The following UVSSA variants were observed in gnomAD, a reference collection of about 807,000 sequenced individuals.
UVSSA encodes the protein UV-stimulated scaffold protein A.
Under a neutral mutation model 73.9 loss-of-function variants are expected in UVSSA, and 72 were observed. The ratio of observed to expected loss-of-function variants is 0.97; its 90% CI spans 0.81 to 1.19. The LOEUF is 1.19. Ranked by LOEUF, UVSSA falls within the 50% of genes most tolerant of loss-of-function variation. UVSSA has a pLI of 0.00. For missense variants in UVSSA, 1,150 were observed against 965.0 expected (o/e 1.19, Z -2.54); for synonymous variants, 454 against 391.3 (o/e 1.16, Z -1.89).
At chr4:1,344,607 T>A (rs1348711507), upstream of UVSSA, among the ~76,000 whole-genome samples, 1 of 152,230 alleles carries the variant, frequency 6.6e-6, no homozygotes, top group Non-Finnish European at 1.5e-5. Context: ...CTTGGCTTTC[T>A]AATCTTATCC....
rs1392117219 is a variant in UVSSA, at chr4:1,349,467, C to A, written c.99-57C>A. 2.6e-6 allele frequency: 4 copies of A among 1,543,590 alleles called. No homozygotes were observed. The East Asian group carries it at 9.1e-5, about 35-fold the overall frequency. The stretch of plus-strand genomic sequence containing the variant: ...TGCGGCATCCATGCACGGAGAGTCT[C>A]CCCCCGCCCATCCTCTGCGTGTGGG... On this transcript the variant is annotated intron_variant, in intron 2 of 13. Coordinates refer to ENST00000389851, the MANE Select transcript of UVSSA (RefSeq NM_020894.4).
rs1019514400 is a variant in UVSSA, at chr4:1,347,342, A to G, written c.-421A>G. 9 of 151,850 alleles carry G rather than the reference A, an allele frequency of 5.9e-5. No homozygotes were observed. The highest frequency in any genetic ancestry group is 2.2e-4 in the African/African-American group (9 of 41,412). 9.4% of individuals were successfully genotyped at this position (151,850 alleles called of 1,614,324 possible). On this transcript the variant is annotated 5_prime_UTR_variant, in exon 1 of 14. Coordinates refer to ENST00000389851, the MANE Select transcript of UVSSA (RefSeq NM_020894.4). The stretch of plus-strand genomic sequence containing the variant: ...CCAGGGCGTGTCCCGTGTGCCCGAG[A>G]GCGCCGGCGGCGGGGCCGGAGGGCG...
At chr4:1,366,726 C>T (rs528562089) in intron 8 of UVSSA, among the ~76,000 whole-genome samples, 206 of 152,336 alleles carry the variant, frequency 1.4e-3, no homozygotes, top group Admixed American at 2.4e-3. Context: ...CCTCCTCTGC[C>T]AGGCAGGCCC....
rs777379031 is a variant in UVSSA, at chr4:1,385,860, C to T, written c.2037-8C>T. On this transcript the variant is annotated splice_polypyrimidine_tract_variant and splice_region_variant and intron_variant, in intron 13 of 13. Coordinates refer to ENST00000389851, the MANE Select transcript of UVSSA (RefSeq NM_020894.4). The stretch of plus-strand genomic sequence containing the variant: ...TCCCAGGTCACATCTTGCCTTGTTT[C>T]CCCACAGGGCAGCTGTGCGGAGGGT... 2.5e-6 allele frequency: 4 copies of T among 1,613,814 alleles called. No individual in the cohort carries two copies. In the Admixed American group the frequency reaches 6.7e-5, roughly 27 times the overall value.
chr4:1,389,795 G>C (rs1480271809), downstream of UVSSA: 1 of 152,188 alleles, frequency 6.6e-6, no homozygotes, highest in Non-Finnish European at 1.5e-5. Flanking sequence ...AAAGTGCTGG[G>C]ATTGTGGATG....
At chr4:1,355,763 G>A (rs115527947) in intron 7 of UVSSA, among the ~76,000 whole-genome samples, 2 of 152,180 alleles carry the variant, frequency 1.3e-5, no homozygotes, top group African/African-American at 2.4e-5. Flanking sequence ...CAGGGAGCAC[G>A]GGGTTAGAAG....
At chr4:1,348,361 C>T (rs1016835278) in intron 2 of UVSSA, among the ~76,000 whole-genome samples, 172 bp downstream of exon 2, 3 of 152,316 alleles carry the variant, frequency 2.0e-5, no homozygotes, top group East Asian at 1.9e-4. Flanking sequence ...GTTCTGGGGT[C>T]GGGGCGTGTG....
At chr4:1,359,945 TG>T (rs1321266055) in intron 7 of UVSSA, among the ~76,000 whole-genome samples, 3 of 152,212 alleles carry the variant, frequency 2.0e-5, no homozygotes, top group Admixed American at 2.0e-4. Flanking sequence ...TGTGATGCTC[TG>T]GAGCCATGGG....
At chr4:1,383,668 CCT>C in intron 12 of UVSSA, 96 bp from the exon 13 acceptor site, 8 of 1,490,854 alleles carry the variant, frequency 5.4e-6, no homozygotes, top group South Asian at 2.3e-5. Context: ...ACCCAGCCCC[CCT>C]GTCAGGACGA....
intron 2 of UVSSA, 151 bp from the exon 3 acceptor site, chr4:1,349,373 T>G: frequency 1.3e-6 from 1 of 763,934 alleles, no homozygotes; most frequent in Non-Finnish European, 2.1e-6. Flanking sequence ...GGCAGTAGTT[T>G]GCAGACCCTG....
At chr4:1,373,817 G>T (rs1215759537) in intron 8 of UVSSA, among the ~76,000 whole-genome samples, 1 of 152,182 alleles carries the variant, frequency 6.6e-6, no homozygotes, top group East Asian at 1.9e-4. Flanking sequence ...GCGGTCACCT[G>T]TGTCTCACTC....
In UVSSA at chr4:1,395,240, C is replaced by T. The variant is rs376599300; in HGVS notation, c.*9279C>T. The T allele has an allele frequency of 4.3e-4, 628 of 1,458,524 alleles. 43 individuals carry two copies. The highest frequency in any genetic ancestry group is 1.4e-3 in the South Asian group (111 of 78,564). 90.3% of individuals were successfully genotyped at this position (1,458,524 alleles called of 1,614,324 possible). On this transcript the variant is annotated 3_prime_UTR_variant, in exon 14 of 14. Transcript: ENST00000511216. ...GATGCGGAGTGCCCGCCTGCTCACA[C>T]GTGCCCATGTGGAGTGCCCGCCTGC...
chr4:1,354,419 G>A lies in UVSSA; in HGVS notation c.935-316G>A, dbSNP rs111394727. The A allele has an allele frequency of 9.2e-4, 345 of 374,398 alleles. 1 individual carries two copies. The highest frequency in any genetic ancestry group is 6.0e-3 in the African/African-American group (291 of 48,524). The allele number at this position is 374,398 out of a possible 1,614,324, so 23.2% of individuals were successfully genotyped here. A position where few individuals can be genotyped will look rare whatever the true frequency, so the allele number is the denominator to read the frequency against. On this transcript the variant is annotated intron_variant, in intron 5 of 13. Coordinates refer to ENST00000389851, the MANE Select transcript of UVSSA (RefSeq NM_020894.4). Reference sequence around the variant, plus strand: ...TGGAGGGGAAGGTTCTGTGCCCGGCGTGTGGGGGCGGTGAGTAGAAGAGGC... The same window carrying A: ...TGGAGGGGAAGGTTCTGTGCCCGGCATGTGGGGGCGGTGAGTAGAAGAGGC...
At chr4:1,362,473 T>G (rs555567449) in intron 7 of UVSSA, among the ~76,000 whole-genome samples, 1 of 152,326 alleles carries the variant, frequency 6.6e-6, no homozygotes, top group South Asian at 2.1e-4. Context: ...CACAGGAAAC[T>G]CGGCTGCCAG....
chr4:1,364,033 C>G (rs1308640837), intron 7 of UVSSA, among the ~76,000 whole-genome samples: 4 of 53,758 alleles, frequency 7.4e-5, no homozygotes, highest in Non-Finnish European at 7.6e-5. Context: ...GTGCTGGTGC[C>G]CGGGCCCCGT....
At position 1,366,335 on chromosome 4, in the gene UVSSA, G is replaced by T; in HGVS notation, c.1192G>T (p.Asp398Tyr). ...GERRRTEALG[D>Y]AEEDEDDEDF... ...TTTTCCACAGACAGAAGCCCTGGGG[G>T]ATGCGGAGGAAGATGAGGACGATGA... The change falls in exon 8 of 14, where the codon GAT becomes TAT. Residue 398 changes from aspartate to tyrosine, a missense_variant. Asp to Tyr is a radical substitution (Grantham distance 160). Coordinates refer to ENST00000389851, the MANE Select transcript of UVSSA (RefSeq NM_020894.4). 7 of 1,612,860 alleles carry T rather than the reference G, an allele frequency of 4.3e-6. No homozygotes were observed. Among genetic ancestry groups the T allele is most frequent in the Non-Finnish European group, 5.9e-6 (7 of 1,179,284 alleles).
exon 14 of UVSSA, chr4:1,395,532 C>T: frequency 6.3e-7 from 1 of 1,598,804 alleles, no homozygotes; most frequent in Non-Finnish European, 8.5e-7. Flanking sequence ...ATGTGGAGTG[C>T]CCGCCTGCTC....
chr4:1,380,861 C>T lies in UVSSA; in HGVS notation c.1753-19C>T, dbSNP rs944081259. The stretch of plus-strand genomic sequence containing the variant: ...GCGGACCCCTCCCCGCCATCAGCCA[C>T]CGTGTCCTCGCTGTGCAGTGCCCTT... On this transcript the variant is annotated intron_variant, in intron 11 of 13. Coordinates refer to ENST00000389851, the MANE Select transcript of UVSSA (RefSeq NM_020894.4). The T allele has an allele frequency of 1.2e-6, 2 of 1,607,812 alleles. No homozygotes were observed. Among genetic ancestry groups the T allele is most frequent in the African/African-American group, 2.7e-5 (2 of 74,842 alleles).
At chr4:1,380,738 G>A (rs554379776) in intron 11 of UVSSA, 142 bp from the exon 12 acceptor site, 46 of 1,555,798 alleles carry the variant, frequency 3.0e-5, no homozygotes, top group Admixed American at 3.9e-5. Flanking sequence ...TGAGGGGCGC[G>A]TGATTCCAGG....
Sources: gnomAD v4.1 joint callset for allele counts (sites outside exome capture counted in the v4.1 genomes callset) on GRCh38, gnomAD v4.1.1 for gene constraint, MANE v1.5 for transcripts, NCBI Gene and HGNC (gene_info 2026-07-23, HGNC 2026-07-21) for gene names.